Variants in WNT3 observed in about 807,000 individuals in gnomAD.
The protein encoded by WNT3 is Wnt family member 3.
WNT3 carries 7 observed loss-of-function variants against 34.2 expected under a neutral mutation model. The ratio of observed to expected loss-of-function variants is 0.20; its 90% CI spans 0.12 to 0.38. The LOEUF (loss-of-function observed/expected upper bound fraction) is 0.38. Ranked by LOEUF, WNT3 falls within the 10% of genes least tolerant of loss-of-function variation. The probability of loss-of-function intolerance (pLI) is 1.00; values close to 1 mark genes in which losing one functional copy is unlikely to be tolerated. For synonymous variants in WNT3, 212 were observed against 211.5 expected (o/e 1.00, Z -0.02); for missense variants, 267 against 499.8 (o/e 0.53, Z 4.44).
At chr17:46,765,914 C>G (rs2059308566) in intron 4 of WNT3, among the ~76,000 whole-genome samples, 1 of 152,246 alleles carries the variant, frequency 6.6e-6, no homozygotes, top group African/African-American at 2.4e-5. Flanking sequence ...GAGTGTTTAT[C>G]AGAAGGGCAC....
At position 46,768,947 on chromosome 17, in the gene WNT3, G is replaced by C. The variant is rs1254217035; in HGVS notation, c.589-148C>G. ...AGAGAACTGATGGGGACTGAGGCAA[G>C]ACCTAAAGAATAGTGACCATGTTTC... On this transcript the variant is annotated intron_variant, in intron 3 of 4. Transcript: ENST00000225512. This position sits in a 1 kb window ranked among gnomAD's most constrained non-coding sequence, Gnocchi z 5.0. 2.4e-6 allele frequency: 3 copies of C among 1,264,470 alleles called. No homozygotes were observed. The highest frequency in any genetic ancestry group is 3.2e-6 in the Non-Finnish European group (3 of 936,746). The allele number at this position is 1,264,470 out of a possible 1,614,324, so 78.3% of individuals were successfully genotyped here. A position where few individuals can be genotyped will look rare whatever the true frequency, so the allele number is the denominator to read the frequency against.
intron 2 of WNT3, among the ~76,000 whole-genome samples, chr17:46,772,650 T>C (rs1228183207): frequency 6.6e-6 from 1 of 152,212 alleles, no homozygotes; most frequent in African/African-American, 2.4e-5. Context: ...ATTTGCTAAT[T>C]ACCCTCCTGT....
chr17:46,787,686 G>C (rs1027562826), intron 1 of WNT3, among the ~76,000 whole-genome samples: 1 of 152,244 alleles, frequency 6.6e-6, no homozygotes, highest in Non-Finnish European at 1.5e-5. Context: ...GGGCGCGGTG[G>C]CTCACGCCTG....
chr17:46,810,004 CTT>C (rs11292601), intron 1 of WNT3, among the ~76,000 whole-genome samples: 13 of 126,348 alleles, frequency 1.0e-4, no homozygotes, highest in Non-Finnish European at 9.9e-5. Context: ...TTCTTTCTTT[CTT>C]TTTTTTTTTT....
chr17:46,775,976 C>A (rs2059409226), intron 1 of WNT3, among the ~76,000 whole-genome samples: 1 of 152,174 alleles, frequency 6.6e-6, no homozygotes, highest in South Asian at 2.1e-4. Flanking sequence ...TGGCCCTGAG[C>A]AGAGGCTTTT....
At chr17:46,777,765 G>A (rs970348876) in intron 1 of WNT3, among the ~76,000 whole-genome samples, 9 of 152,248 alleles carry the variant, frequency 5.9e-5, no homozygotes, top group East Asian at 5.8e-4. Context: ...GTAGTTGGGC[G>A]ACTTATGCAA....
rs1486757249 is a variant in WNT3 at position 46,768,733 on chromosome 17, T to A, written c.655A>T (p.Thr219Ser). The A allele has an allele frequency of 6.2e-7, 1 of 1,614,088 alleles. No homozygotes were observed. The highest frequency in any genetic ancestry group is 1.7e-5 in the Admixed American group (1 of 60,022). The change falls in exon 4 of 5, where the codon ACC (threonine) becomes TCC (serine). Residue 219 changes from threonine (T) to serine (S), a missense_variant. Around this residue, in one of 3 missense-constraint regions of WNT3, gnomAD observed 181 missense variants for 391.3 expected, o/e 0.46. Transcript: ENST00000225512. This position sits in a 1 kb window ranked among gnomAD's most constrained non-coding sequence, Gnocchi z 5.0. Reference protein sequence around the residue: ...HGLSGSCEVKTCWWAQPDFRA... With the variant: ...HGLSGSCEVKSCWWAQPDFRA... Reference sequence around the variant, plus strand: ...AAGTCAGGCTGCGCCCACCAGCAGGTCTTCACCTCACAGCTGCCCGACAGC... The same window carrying A: ...AAGTCAGGCTGCGCCCACCAGCAGGACTTCACCTCACAGCTGCCCGACAGC...
At position 46,770,540 on chromosome 17, in the gene WNT3, G is replaced by A. The variant is rs555760406; in HGVS notation, c.323-492C>T. Among the ~76,000 whole-genome samples, 9 of 152,156 alleles carry A rather than the reference G, an allele frequency of 5.9e-5. No homozygotes were observed. In the East Asian group the frequency reaches 1.8e-3, roughly 30 times the overall value. On this transcript the variant is annotated intron_variant, in intron 2 of 4. Transcript: ENST00000225512. ...CCCAGGCCCACCCCTTCCGCACGTG[G>A]ATGCATAGGGACGGCCCCTCTCCTT...
intron 1 of WNT3, among the ~76,000 whole-genome samples, chr17:46,798,463 CA>C (rs2084082170): frequency 1.3e-5 from 2 of 152,176 alleles, no homozygotes; most frequent in Admixed American, 1.3e-4. Context: ...TATTTTTGAT[CA>C]GCTTGCAGGA....
intron 1 of WNT3, among the ~76,000 whole-genome samples, chr17:46,781,541 G>T (rs1283637167): frequency 1.3e-5 from 2 of 152,208 alleles, no homozygotes; most frequent in African/African-American, 4.8e-5. Context: ...GAGGTGTCTA[G>T]GTAAATTCAC....
chr17:46,779,095 ACACACACAC>A (rs1555683623), intron 1 of WNT3, among the ~76,000 whole-genome samples: 1 of 120,736 alleles, frequency 8.3e-6, no homozygotes, highest in African/African-American at 2.8e-5. Flanking sequence ...ACACACACAC[ACACACACAC>A]CCCAGCCCAC....
At chr17:46,787,231 G>A (rs771579280) in intron 1 of WNT3, among the ~76,000 whole-genome samples, 1 of 150,762 alleles carries the variant, frequency 6.6e-6, no homozygotes, top group African/African-American at 2.4e-5. Flanking sequence ...GTGAGCCAGC[G>A]TGCCCAGCCA....
At position 46,814,065 on chromosome 17, in the gene WNT3, A is replaced by C. The variant is rs73987052; in HGVS notation, c.80+4453T>G. Among the ~76,000 whole-genome samples the C allele has an allele frequency of 7.9e-3, 1,201 of 152,250 alleles. 9 individuals are homozygous for C. Among genetic ancestry groups the C allele is most frequent in the African/African-American group, 0.027 (1,105 of 41,548 alleles). ...TCCAGCTCCTGCCTCTTTTGACCTC[A>C]TCGCCAAAGGTCTTCCCACCAGGCC... On this transcript the variant is annotated intron_variant, in intron 1 of 4. Transcript: ENST00000225512.
rs375016164 is a variant in WNT3 at position 46,784,033 on chromosome 17, T to C, written c.81-10124A>G. On this transcript the variant is annotated intron_variant, in intron 1 of 4. Coordinates refer to ENST00000225512, the MANE Select transcript of WNT3 (RefSeq NM_030753.5). The stretch of plus-strand genomic sequence containing the variant: ...TGGGGCCTGGGGATCCATTGCAACC[T>C]CCCAGGGCTCAGCTCTCATTGTGCA... Among the ~76,000 whole-genome samples, 56 of 152,246 alleles carry C rather than the reference T, an allele frequency of 3.7e-4. 1 individual carries two copies. In the South Asian group the frequency reaches 0.012, roughly 32 times the overall value.
At chr17:46,781,780 C>T (rs1464210927) in intron 1 of WNT3, among the ~76,000 whole-genome samples, 1 of 152,162 alleles carries the variant, frequency 6.6e-6, no homozygotes, top group Non-Finnish European at 1.5e-5. Context: ...TTCAACTTCG[C>T]ATCTAGAGCC....
intron 1 of WNT3, among the ~76,000 whole-genome samples, chr17:46,809,386 G>A (rs983202586): frequency 1.3e-5 from 2 of 152,182 alleles, no homozygotes; most frequent in Non-Finnish European, 2.9e-5. Context: ...GCAGATAAGT[G>A]GGACTCTGTG....
At chr17:46,804,332 C>G (rs1215704995) in intron 1 of WNT3, among the ~76,000 whole-genome samples, 1 of 152,204 alleles carries the variant, frequency 6.6e-6, no homozygotes, top group African/African-American at 2.4e-5. Context: ...AGTGATCTGC[C>G]TGCCTCGGCC....
In WNT3 at chr17:46,768,288, C is replaced by G; in HGVS notation, c.*8+24G>C. On this transcript the variant is annotated intron_variant, in intron 4 of 4. Transcript: ENST00000225512. This position sits in a 1 kb window ranked among gnomAD's most constrained non-coding sequence, Gnocchi z 5.0. ...TTCCCTGCGCCCAGGCTCCCAGCCT[C>G]CCCCCTGCTTCCCGGAGCCCTACCT... 6.2e-7 allele frequency: 1 copy of G among 1,612,346 alleles called. No individual in the cohort carries two copies. Among genetic ancestry groups the G allele is most frequent in the Non-Finnish European group, 8.5e-7 (1 of 1,179,966 alleles).
intron 1 of WNT3, among the ~76,000 whole-genome samples, chr17:46,816,275 TACAC>T (rs923944722): frequency 5.1e-4 from 78 of 151,798 alleles, no homozygotes; most frequent in Admixed American, 5.1e-3. Flanking sequence ...CACATGTACA[TACAC>T]ACATCACAGC....
Sources: allele counts gnomAD v4.1 joint callset (sites outside exome capture counted in the v4.1 genomes callset), GRCh38; gene constraint gnomAD v4.1.1; regional missense constraint gnomAD v4.1.1; non-coding constraint Gnocchi (gnomAD v3.1); transcripts MANE v1.5; gene names NCBI Gene and HGNC (gene_info 2026-07-23, HGNC 2026-07-21).